Variants in EYS observed in about 807,000 individuals in gnomAD.
The protein encoded by EYS is EGF-like photoreceptor maintenance factor.
EYS carries 250 observed loss-of-function variants against 282.1 expected under a neutral mutation model. The observed-to-expected ratio is 0.89, with a 90% confidence interval of 0.80 to 0.98. The LOEUF is 0.98. EYS is among the 50% of genes least tolerant of loss of function. The pLI, the probability that EYS is intolerant of heterozygous loss-of-function variation, is 0.00. For synonymous variants in EYS, 1,355 were observed against 1,282.9 expected, an observed-to-expected ratio of 1.06 and a Z score of -1.20; for missense variants, 4,016 against 3,709.0, an observed-to-expected ratio of 1.08 and a Z score of -2.15.
At chr6:64,285,968 T>A (rs1413822608) in intron 30 of EYS, among the ~76,000 whole-genome samples, 1 of 152,156 alleles carries the variant, frequency 6.6e-6, no homozygotes, top group Non-Finnish European at 1.5e-5. Flanking sequence ...CCAAACCATA[T>A]CAGCTTCTAA....
intron 30 of EYS, among the ~76,000 whole-genome samples, chr6:64,266,936 G>T (rs1173436850): frequency 6.6e-6 from 1 of 152,050 alleles, no homozygotes; most frequent in Admixed American, 6.6e-5. Context: ...AATACCTGAT[G>T]TTTTGAAGAA....
chr6:64,157,848 A>C (rs1039783688), intron 31 of EYS, among the ~76,000 whole-genome samples: 19 of 152,232 alleles, frequency 1.2e-4, no homozygotes, highest in African/African-American at 4.6e-4. Context: ...GCAGTGCAGA[A>C]GGGAAATGTG....
At chr6:64,061,811 G>T (rs1771180820) in intron 33 of EYS, among the ~76,000 whole-genome samples, 1 of 151,876 alleles carries the variant, frequency 6.6e-6, no homozygotes, top group African/African-American at 2.4e-5. Flanking sequence ...CCAACATGGA[G>T]AAACCTGTTC....
intron 5 of EYS, among the ~76,000 whole-genome samples, chr6:65,475,059 C>T (rs1327192931): frequency 2.6e-5 from 4 of 151,938 alleles, no homozygotes; most frequent in Non-Finnish European, 5.9e-5. Flanking sequence ...TTTTTTCAGA[C>T]AAAAGTATTT....
intron 12 of EYS, among the ~76,000 whole-genome samples, chr6:65,247,560 G>A (rs998034528): frequency 2.0e-5 from 3 of 151,986 alleles, no homozygotes; most frequent in Admixed American, 2.0e-4. Flanking sequence ...CCTAGTATAT[G>A]ACAAGAACTC....
chr6:63,851,362 G>T (rs534748332), intron 36 of EYS, among the ~76,000 whole-genome samples: 26 of 152,218 alleles, frequency 1.7e-4, no homozygotes, highest in Non-Finnish European at 2.9e-4. Flanking sequence ...CAAATCAATA[G>T]AATATACATT....
intron 22 of EYS, among the ~76,000 whole-genome samples, chr6:64,786,628 A>T (rs1167117915): frequency 2.6e-5 from 4 of 152,144 alleles, no homozygotes; most frequent in African/African-American, 9.7e-5. Flanking sequence ...ACTGGGTCAT[A>T]TTAGGTAATT....
intron 30 of EYS, among the ~76,000 whole-genome samples, chr6:64,292,931 ATAAG>A (rs1336029045): frequency 6.6e-6 from 1 of 152,150 alleles, no homozygotes; most frequent in East Asian, 1.9e-4. Flanking sequence ...CACATAGGAA[ATAAG>A]TAATACAACC....
chr6:65,015,688 GT>G (rs2150135583), intron 13 of EYS, among the ~76,000 whole-genome samples: 1 of 151,836 alleles, frequency 6.6e-6, no homozygotes, highest in South Asian at 2.1e-4. Flanking sequence ...TTTTTTATTA[GT>G]TTTTTACAAT....
chr6:65,699,482 G>A (rs1362297734), intron 1 of EYS, among the ~76,000 whole-genome samples: 1 of 152,084 alleles, frequency 6.6e-6, no homozygotes, highest in African/African-American at 2.4e-5. Flanking sequence ...TCACAATGTG[G>A]TAGGGAAACC....
At chr6:65,215,185 T>C (rs74779496) in intron 12 of EYS, among the ~76,000 whole-genome samples, 2,643 of 152,262 alleles carry the variant, frequency 0.017, 32 homozygotes, top group Middle Eastern at 0.031. Context: ...GTGATTCCAC[T>C]TATGGATCTT....
intron 22 of EYS, among the ~76,000 whole-genome samples, chr6:64,708,481 T>C (rs948635453): frequency 1.9e-4 from 29 of 152,208 alleles, no homozygotes; most frequent in African/African-American, 6.5e-4. Flanking sequence ...TTGATAAAAC[T>C]ACCTCATTTT....
intron 3 of EYS, 55 bp from the exon 4 acceptor site, chr6:65,495,662 A>G (rs975752998): frequency 3.6e-6 from 2 of 551,942 alleles, no homozygotes; most frequent in African/African-American, 3.8e-5. Flanking sequence ...AATTAATAAT[A>G]TAGAAAATGC....
At position 64,593,358 on chromosome 6, in the gene EYS, C is replaced by T. The variant is rs757311687; in HGVS notation, c.3685-49G>A. ...TAAATTAAGCTCAGTTTCTTTGTTC[C>T]TAAGAGAAATTGTAAAGTTTGTTTT... On this transcript the variant is annotated intron_variant, in intron 24 of 42. Transcript: ENST00000503581. 9 of 1,430,406 alleles carry T rather than the reference C, an allele frequency of 6.3e-6. No individual in the cohort carries two copies. The African/African-American group carries it at 1.2e-4, about 18-fold the overall frequency. The allele number at this position is 1,430,406 out of a possible 1,614,324, so 88.6% of individuals were successfully genotyped here. A position where few individuals can be genotyped will look rare whatever the true frequency, so the allele number is the denominator to read the frequency against.
intron 31 of EYS, among the ~76,000 whole-genome samples, chr6:64,211,963 A>C (rs1037544230): frequency 3.3e-5 from 5 of 151,744 alleles, no homozygotes; most frequent in Admixed American, 6.6e-5. Context: ...TAAAAATATA[A>C]AAATTAGCCG....
At chr6:64,926,440 C>T (rs1768519411) in intron 15 of EYS, among the ~76,000 whole-genome samples, 1 of 152,120 alleles carries the variant, frequency 6.6e-6, no homozygotes, top group African/African-American at 2.4e-5. Flanking sequence ...TAGGGCTGTT[C>T]CTGCTCATAG....
At chr6:65,568,190 A>G (rs1351440658) in intron 2 of EYS, among the ~76,000 whole-genome samples, 1 of 152,100 alleles carries the variant, frequency 6.6e-6, no homozygotes, top group East Asian at 1.9e-4. Context: ...CCTGATCCAT[A>G]TCCATTCATT....
At chr6:64,647,091 T>G (rs1413358199) in intron 22 of EYS, among the ~76,000 whole-genome samples, 1 of 152,172 alleles carries the variant, frequency 6.6e-6, no homozygotes, top group African/African-American at 2.4e-5. Flanking sequence ...CATATTCTAC[T>G]TCAAGAAGTA....
chr6:64,847,900 A>T (rs1177973944), intron 19 of EYS, among the ~76,000 whole-genome samples: 1 of 152,036 alleles, frequency 6.6e-6, no homozygotes, highest in Admixed American at 6.6e-5. Flanking sequence ...TGGAAATGCC[A>T]CACTTGAAAT....
Sources: gnomAD v4.1 joint callset for allele counts (sites outside exome capture counted in the v4.1 genomes callset) on GRCh38, gnomAD v4.1.1 for gene constraint, MANE v1.5 for transcripts, NCBI Gene and HGNC (gene_info 2026-07-23, HGNC 2026-07-21) for gene names.